The following HAVCR1 variants were observed in gnomAD, a reference collection of about 807,000 sequenced individuals.
HAVCR1 encodes the protein hepatitis A virus cellular receptor 1.
In HAVCR1, 34 loss-of-function variants were observed where a neutral mutation model predicts 32.0. The ratio of observed to expected loss-of-function variants is 1.06; its 90% confidence interval spans 0.81 to 1.42. The LOEUF is 1.42. Among genes scored for constraint, HAVCR1 ranks in the 40% most tolerant of loss-of-function variants. HAVCR1 has a pLI of 0.00. For missense variants in HAVCR1, 420 were observed against 442.3 expected (o/e 0.95, Z 0.45); for synonymous variants, 178 against 170.3 (o/e 1.05, Z -0.35).
chr5:157,043,933 C>A (rs925628047), intron 5 of HAVCR1, among the ~76,000 whole-genome samples: 1 of 152,242 alleles, frequency 6.6e-6, no homozygotes, highest in Non-Finnish European at 1.5e-5. Context: ...AATTCTGTAA[C>A]TGGTGACAAT....
chr5:157,044,615 G>GAAAGAAAGAAAA lies in HAVCR1; in HGVS notation c.782-1934_782-1933insTTTTCTTTCTTT, dbSNP rs760337335. On this transcript the variant is annotated intron_variant, in intron 5 of 8. Coordinates refer to ENST00000523175, the MANE Select transcript of HAVCR1 (RefSeq NM_001173393.3). The stretch of plus-strand genomic sequence containing the variant: ...AGAAAGAAAGAAAGAAAGAAAGAAA[G>GAAAGAAAGAAAA]AGAAAGAAAGAAAGAAAGAAAGAAA... Among the ~76,000 whole-genome samples, 406 of 52,676 alleles carry GAAAGAAAGAAAA rather than the reference G, an allele frequency of 7.7e-3. 16 individuals are homozygous for GAAAGAAAGAAAA. The highest frequency in any genetic ancestry group is 0.014 in the African/African-American group (212 of 15,462). The allele number at this position is 52,676 out of a possible 152,430, so 34.6% of individuals were successfully genotyped here. A position where few individuals can be genotyped will look rare whatever the true frequency, so the allele number is the denominator to read the frequency against.
intron 5 of HAVCR1, among the ~76,000 whole-genome samples, chr5:157,047,095 C>T (rs1755445531): frequency 6.6e-6 from 1 of 152,076 alleles, no homozygotes; most frequent in South Asian, 2.1e-4. Flanking sequence ...GTATGTTTGA[C>T]CTCAGGAAAC....
In HAVCR1 at chr5:157,049,099, CG is replaced by C. The variant is rs1755591821; in HGVS notation, c.719del (p.Thr240ArgfsTer7). 6.2e-7 allele frequency: 1 copy of C among 1,612,852 alleles called. No individual in the cohort carries two copies. Among genetic ancestry groups the C allele is most frequent in the African/African-American group, 1.3e-5 (1 of 74,822 alleles). On this transcript the variant is annotated frameshift_variant, in exon 5 of 9. Transcript: ENST00000523175. LOFTEE classifies it high-confidence loss of function. ...CTCTCCTTATTGCTCCCTGCAGTGT[CG>C]TAGGGTGGGTTTCTGCTGGCTGAGG... ...SSPQPAETHP[T>X]TLQGAIRREP...
chr5:157,034,229 G>C (rs1220207229), intron 7 of HAVCR1, among the ~76,000 whole-genome samples: 5 of 152,012 alleles, frequency 3.3e-5, no homozygotes, highest in Non-Finnish European at 5.9e-5. Context: ...CAGGACTATA[G>C]GGTAATGGTG....
At chr5:157,039,811 G>A (rs944685848) in intron 6 of HAVCR1, among the ~76,000 whole-genome samples, 8 of 151,984 alleles carry the variant, frequency 5.3e-5, no homozygotes, top group Non-Finnish European at 1.0e-4. Flanking sequence ...CCTTAAGATA[G>A]AGCCCAGGAA....
the HAVCR1 span, among the ~76,000 whole-genome samples, chr5:157,067,443 T>C: frequency 6.6e-6 from 1 of 152,100 alleles, no homozygotes; most frequent in Non-Finnish European, 1.5e-5. Flanking sequence ...ATGAGACTAC[T>C]ACAAACCTTC....
intron 6 of HAVCR1, among the ~76,000 whole-genome samples, chr5:157,042,086 T>G (rs1179607276): frequency 2.9e-5 from 3 of 103,024 alleles, no homozygotes. Context: ...TTTCTTCCCC[T>G]ATTTTCTCCC....
Position 157,029,470 on chromosome 5 carries a change from G to A in HAVCR1, c.*263C>T. 2.8e-6 allele frequency: 2 copies of A among 707,900 alleles called. No homozygotes were observed. The highest frequency in any genetic ancestry group is 4.7e-6 in the Non-Finnish European group (2 of 422,514). 43.9% of individuals were successfully genotyped at this position (707,900 alleles called of 1,614,324 possible). A position where few individuals can be genotyped will look rare whatever the true frequency, so the allele number is the denominator to read the frequency against. Reference sequence around the variant, plus strand: ...TAAAAAGAACATACAATTATAAAGTGTTCATATTTGAGAGAAAACTGCAAT... The same window carrying A: ...TAAAAAGAACATACAATTATAAAGTATTCATATTTGAGAGAAAACTGCAAT... On this transcript the variant is annotated 3_prime_UTR_variant, in exon 9 of 9. Transcript: ENST00000523175.
chr5:157,043,992 T>A (rs1755074394), intron 5 of HAVCR1, among the ~76,000 whole-genome samples: 1 of 152,092 alleles, frequency 6.6e-6, no homozygotes, highest in Non-Finnish European at 1.5e-5. Flanking sequence ...TCCCCAACAT[T>A]TACATTACTG....
chr5:157,057,386 G>GGAAAGAAAGAAA (rs544010943), intron 2 of HAVCR1, among the ~76,000 whole-genome samples: 21 of 79,442 alleles, frequency 2.6e-4, no homozygotes, highest in South Asian at 5.3e-4. Context: ...GAGAGAGAGA[G>GGAAAGAAAGAAA]GAAAGAAAGA....
chr5:157,066,861 C>A, the HAVCR1 span, among the ~76,000 whole-genome samples: 1 of 152,014 alleles, frequency 6.6e-6, no homozygotes, highest in Non-Finnish European at 1.5e-5. Flanking sequence ...CTGAGGCAGG[C>A]GGATCACTGG....
chr5:157,045,092 T>C (rs1159820809), intron 5 of HAVCR1, among the ~76,000 whole-genome samples: 2 of 152,134 alleles, frequency 1.3e-5, no homozygotes. Flanking sequence ...TTTTCCTAGA[T>C]ATACATACCT....
intron 2 of HAVCR1, among the ~76,000 whole-genome samples, chr5:157,057,392 A>AG (rs1413126452): frequency 1.1e-4 from 1 of 8,936 alleles, no homozygotes; most frequent in African/African-American, 3.5e-4. Flanking sequence ...GAGAGGAAAG[A>AG]AAGAAAGAAA....
intron 2 of HAVCR1, 75 bp from the exon 3 acceptor site, chr5:157,055,608 G>T: frequency 1.1e-6 from 1 of 919,652 alleles, no homozygotes; most frequent in Non-Finnish European, 1.6e-6. Context: ...GCTCACGCCT[G>T]TAATCCAAGA....
chr5:157,057,870 T>A (rs1429190244), intron 2 of HAVCR1, 28 bp downstream of exon 2: 33 of 1,586,244 alleles, frequency 2.1e-5, no homozygotes, highest in Non-Finnish European at 2.8e-5. Context: ...TACTCCCTTC[T>A]TCCCGCCCAG....
intron 5 of HAVCR1, among the ~76,000 whole-genome samples, chr5:157,048,613 G>A (rs150888202): frequency 0.028 from 4,296 of 152,198 alleles, 209 homozygotes; most frequent in African/African-American, 0.091. Context: ...GGCAGATCAC[G>A]AGGTCAGGAG....
chr5:157,056,072 C>T (rs1561604401), intron 2 of HAVCR1, among the ~76,000 whole-genome samples: 1 of 151,926 alleles, frequency 6.6e-6, no homozygotes, highest in Admixed American at 6.5e-5. Context: ...GCATCAGCCT[C>T]CCAAGTAGCT....
At chr5:157,033,677 A>G (rs1022209439) in intron 7 of HAVCR1, among the ~76,000 whole-genome samples, 14 of 152,236 alleles carry the variant, frequency 9.2e-5, no homozygotes, top group Admixed American at 1.3e-4. Flanking sequence ...CCTGCCCTAC[A>G]GTCTGTTCTT....
intron 6 of HAVCR1, among the ~76,000 whole-genome samples, chr5:157,039,047 G>T (rs1455700730): frequency 6.6e-6 from 1 of 152,144 alleles, no homozygotes; most frequent in African/African-American, 2.4e-5. Context: ...TTGAGCCTGG[G>T]AGGATGAGTC....
Sources: allele counts gnomAD v4.1 joint callset (sites outside exome capture counted in the v4.1 genomes callset), GRCh38; gene constraint gnomAD v4.1.1; transcripts MANE v1.5; gene names NCBI Gene and HGNC (gene_info 2026-07-23, HGNC 2026-07-21).